CAMKMT: variants seen among roughly 807,000 people sequenced by gnomAD.
CAMKMT encodes the protein CaM KMT.
Under a neutral mutation model 48.0 loss-of-function variants are expected in CAMKMT, and 53 were observed. The observed-to-expected ratio is 1.10, with a 90% CI of 0.89 to 1.39. The LOEUF (loss-of-function observed/expected upper bound fraction) is 1.39, where lower values mean the gene tolerates loss of function less well. Among genes scored for constraint, CAMKMT ranks in the 40% most tolerant of loss-of-function variants. CAMKMT has a pLI of 0.00. For synonymous variants in CAMKMT, 165 were observed against 152.3 expected, an observed-to-expected ratio of 1.08 and a Z score of -0.61; for missense variants, 428 against 402.7, an observed-to-expected ratio of 1.06 and a Z score of -0.54.
chr2:44,530,967 A>C (rs534912507), intron 3 of CAMKMT, among the ~76,000 whole-genome samples: 49 of 151,924 alleles, frequency 3.2e-4, no homozygotes, highest in Non-Finnish European at 6.3e-4. Context: ...GATCTTCCCC[A>C]TTGTGCATAT....
chr2:44,390,474 G>T (rs1039638044), intron 3 of CAMKMT, among the ~76,000 whole-genome samples, 169 bp downstream of exon 3: 8 of 150,154 alleles, frequency 5.3e-5, no homozygotes, highest in African/African-American at 2.0e-4. Context: ...CTTGTATAAG[G>T]TACACCGACA....
intron 3 of CAMKMT, among the ~76,000 whole-genome samples, chr2:44,399,134 T>C (rs1021047822): frequency 2.0e-5 from 3 of 152,200 alleles, no homozygotes; most frequent in Admixed American, 1.3e-4. Context: ...GTGTAGTCTT[T>C]GCTGCACATG....
intron 3 of CAMKMT, chr2:44,549,771 C>A (rs1191729344): frequency 2.3e-6 from 1 of 443,168 alleles, no homozygotes; most frequent in Non-Finnish European, 4.0e-6. Flanking sequence ...AAACTCCACT[C>A]CCTCTTAGAC....
chr2:44,663,175 G>T (rs1406464299), intron 3 of CAMKMT, among the ~76,000 whole-genome samples: 1 of 152,142 alleles, frequency 6.6e-6, no homozygotes, highest in Non-Finnish European at 1.5e-5. Flanking sequence ...CCACACTCAA[G>T]TCTCACCAAT....
intron 3 of CAMKMT, among the ~76,000 whole-genome samples, chr2:44,606,881 G>A (rs566665170): frequency 1.3e-5 from 2 of 151,644 alleles, no homozygotes; most frequent in African/African-American, 4.8e-5. Context: ...ACTGCAGCTG[G>A]TTCTATGCAG....
chr2:44,624,486 C>T (rs1394183698), intron 3 of CAMKMT, among the ~76,000 whole-genome samples: 1 of 152,044 alleles, frequency 6.6e-6, no homozygotes, highest in Non-Finnish European at 1.5e-5. Context: ...TGTGCCCCCA[C>T]CCCACAACAG....
intron 7 of CAMKMT, 109 bp from the exon 8 acceptor site, chr2:44,743,513 T>C: frequency 1.4e-6 from 1 of 729,566 alleles, no homozygotes; most frequent in Non-Finnish European, 2.4e-6. Flanking sequence ...ATAATTTGTA[T>C]ATACCTTTTA....
chr2:44,768,361 A>ATATATATATAT (rs35058824), intron 10 of CAMKMT, among the ~76,000 whole-genome samples: 5 of 115,744 alleles, frequency 4.3e-5, no homozygotes, highest in African/African-American at 1.1e-4. Flanking sequence ...ATATATATAT[A>ATATATATATAT]TTTTTTTTTT....
At chr2:44,458,809 A>G (rs185704505) in intron 3 of CAMKMT, among the ~76,000 whole-genome samples, 1 of 152,332 alleles carries the variant, frequency 6.6e-6, no homozygotes, top group East Asian at 1.9e-4. Context: ...TAAATTGTTT[A>G]AAAGTGTTTT....
At chr2:44,494,422 C>T (rs1022448122) in intron 3 of CAMKMT, among the ~76,000 whole-genome samples, 3 of 152,080 alleles carry the variant, frequency 2.0e-5, no homozygotes, top group Non-Finnish European at 4.4e-5. Context: ...CCCCCTCTTC[C>T]CTCTGTTTAC....
intron 3 of CAMKMT, among the ~76,000 whole-genome samples, chr2:44,468,623 T>TA (rs1266412288): frequency 6.6e-6 from 1 of 152,050 alleles, no homozygotes; most frequent in African/African-American, 2.4e-5. Flanking sequence ...GATGGATAGA[T>TA]AAAGAAAATA....
intron 3 of CAMKMT, among the ~76,000 whole-genome samples, chr2:44,599,711 T>C (rs1029878679): frequency 9.9e-5 from 15 of 152,018 alleles, no homozygotes; most frequent in African/African-American, 3.6e-4. Context: ...CAAACATTTT[T>C]AGCTATTATT....
chr2:44,638,419 A>G (rs894140715), intron 3 of CAMKMT, among the ~76,000 whole-genome samples: 21 of 152,234 alleles, frequency 1.4e-4, no homozygotes, highest in African/African-American at 5.1e-4. Flanking sequence ...ACAAAAGGAA[A>G]GAAACTGAAG....
At chr2:44,464,368 T>C (rs924158518) in intron 3 of CAMKMT, among the ~76,000 whole-genome samples, 8 of 152,174 alleles carry the variant, frequency 5.3e-5, no homozygotes, top group African/African-American at 1.9e-4. Context: ...CTGACCAATA[T>C]ATACATTATG....
chr2:44,583,813 G>C (rs1420535510), intron 3 of CAMKMT, among the ~76,000 whole-genome samples: 1 of 151,412 alleles, frequency 6.6e-6, no homozygotes, highest in Non-Finnish European at 1.5e-5. Flanking sequence ...AAGAAAGAAA[G>C]AAAAAAGAAG....
intron 3 of CAMKMT, among the ~76,000 whole-genome samples, chr2:44,489,472 C>T (rs966865791): frequency 6.6e-6 from 1 of 152,030 alleles, no homozygotes. Context: ...TCTCGAACTC[C>T]TGAACTCAGA....
At chr2:44,647,450 G>T in intron 3 of CAMKMT, among the ~76,000 whole-genome samples, 1 of 152,120 alleles carries the variant, frequency 6.6e-6, no homozygotes, top group South Asian at 2.1e-4. Flanking sequence ...TGATGTGATT[G>T]GTCACTGATC....
At chr2:44,448,581 G>A (rs1667126897) in intron 3 of CAMKMT, among the ~76,000 whole-genome samples, 1 of 152,150 alleles carries the variant, frequency 6.6e-6, no homozygotes, top group Non-Finnish European at 1.5e-5. Flanking sequence ...TAGTAATTGT[G>A]TATTCTATCT....
chr2:44,512,653 C>G (rs1442107961), intron 3 of CAMKMT, among the ~76,000 whole-genome samples: 1 of 152,186 alleles, frequency 6.6e-6, no homozygotes, highest in African/African-American at 2.4e-5. Flanking sequence ...TATTTCTTCT[C>G]TATTGGAAGG....
Sources: gnomAD v4.1 joint callset for allele counts (sites outside exome capture counted in the v4.1 genomes callset) on GRCh38, gnomAD v4.1.1 for gene constraint, MANE v1.5 for transcripts, NCBI Gene and HGNC (gene_info 2026-07-23, HGNC 2026-07-21) for gene names.